The following CNTN1 variants were observed in gnomAD, a reference collection of about 807,000 sequenced individuals.
The protein encoded by CNTN1 is contactin-1.
In CNTN1, 38 loss-of-function variants were observed where a neutral mutation model predicts 126.4. The ratio of observed to expected loss-of-function variants is 0.30; its 90% CI spans 0.23 to 0.39. The LOEUF is 0.39. Among genes scored for constraint, CNTN1 ranks in the 10% least tolerant of loss-of-function variants. CNTN1 has a pLI of 1.00. For missense variants in CNTN1, 1,009 were observed against 1,248.4 expected (o/e 0.81, Z 2.89); for synonymous variants, 413 against 422.6 (o/e 0.98, Z 0.28).
chr12:40,867,294 G>A (rs1943329857), intron 1 of CNTN1, among the ~76,000 whole-genome samples: 1 of 152,076 alleles, frequency 6.6e-6, no homozygotes, highest in African/African-American at 2.4e-5. Flanking sequence ...TAACCTAAAT[G>A]GTGGGGCAGG....
chr12:40,850,091 A>T (rs749105391), intron 1 of CNTN1, among the ~76,000 whole-genome samples: 1 of 152,088 alleles, frequency 6.6e-6, no homozygotes, highest in African/African-American at 2.4e-5. Flanking sequence ...TTAGCATTAT[A>T]ATCTATGCTT....
At chr12:40,792,736 G>A (rs577120628) in intron 1 of CNTN1, among the ~76,000 whole-genome samples, 1 of 151,756 alleles carries the variant, frequency 6.6e-6, no homozygotes, top group African/African-American at 2.4e-5. Context: ...AGTTTTAATT[G>A]TTTATTTTTA....
intron 7 of CNTN1, among the ~76,000 whole-genome samples, chr12:40,931,808 C>A (rs1479664289): frequency 6.6e-6 from 1 of 151,930 alleles, no homozygotes; most frequent in Admixed American, 6.6e-5. Flanking sequence ...ACCCAGGAAT[C>A]CACAAGTTGA....
At chr12:40,871,221 A>C (rs368757228) in intron 1 of CNTN1, among the ~76,000 whole-genome samples, 28 of 151,122 alleles carry the variant, frequency 1.9e-4, no homozygotes, top group South Asian at 6.3e-4. Flanking sequence ...AAAACAGAAG[A>C]AGCAGCTAGA....
At chr12:40,977,416 C>T (rs1335996035) in intron 15 of CNTN1, among the ~76,000 whole-genome samples, 1 of 152,046 alleles carries the variant, frequency 6.6e-6, no homozygotes, top group Non-Finnish European at 1.5e-5. Flanking sequence ...TCTGGCTGCC[C>T]CTTCCCATCA....
intron 1 of CNTN1, among the ~76,000 whole-genome samples, chr12:40,832,132 G>A (rs1941864218): frequency 6.6e-6 from 1 of 152,174 alleles, no homozygotes; most frequent in Non-Finnish European, 1.5e-5. Context: ...TTAATAGGCA[G>A]TGAACACCCA....
intron 1 of CNTN1, among the ~76,000 whole-genome samples, chr12:40,700,005 T>A (rs962307560): frequency 6.6e-6 from 1 of 152,176 alleles, no homozygotes; most frequent in Non-Finnish European, 1.5e-5. Flanking sequence ...TATATAGGGT[T>A]TTTACTTAGA....
In CNTN1 at chr12:41,047,966, C is replaced by T. The variant is rs141175494; in HGVS notation, c.2980+18747C>T. 9.2e-5 allele frequency among the ~76,000 whole-genome samples: 14 copies of T among 152,132 alleles called. 1 individual carries two copies. Among genetic ancestry groups the T allele is most frequent in the African/African-American group, 3.4e-4 (14 of 41,528 alleles). On this transcript the variant is annotated intron_variant, in intron 23 of 23. Coordinates refer to ENST00000551295, the MANE Select transcript of CNTN1 (RefSeq NM_001843.4). Reference sequence around the variant, plus strand: ...CATTGATCTGACCACTGTCTGTGTCCCTTACCTTCCTTGTATCCTCACTCT... The same window carrying T: ...CATTGATCTGACCACTGTCTGTGTCTCTTACCTTCCTTGTATCCTCACTCT...
chr12:40,809,401 C>G (rs1386102883), intron 1 of CNTN1, among the ~76,000 whole-genome samples: 3 of 152,030 alleles, frequency 2.0e-5, no homozygotes, highest in African/African-American at 7.3e-5. Flanking sequence ...TAGTTTGGGG[C>G]AGGAAATAAA....
intron 1 of CNTN1, among the ~76,000 whole-genome samples, chr12:40,811,725 T>A (rs544495512): frequency 6.8e-4 from 103 of 152,198 alleles, no homozygotes; most frequent in Non-Finnish European, 1.2e-3. Flanking sequence ...ATCCTTTGTG[T>A]TTTGTAATAT....
In CNTN1 at chr12:41,070,618, T is replaced by C. The variant is rs1275208521; in HGVS notation, c.*583T>C. On this transcript the variant is annotated 3_prime_UTR_variant, in exon 24 of 24. Coordinates refer to ENST00000551295, the MANE Select transcript of CNTN1 (RefSeq NM_001843.4). The stretch of plus-strand genomic sequence containing the variant: ...CATTATCAAATCATGAGTTGAAAGA[T>C]TTTGACTATTGAAAACCAAATTCTA... 2 of 152,502 alleles carry C rather than the reference T, an allele frequency of 1.3e-5. No individual in the cohort carries two copies. Among genetic ancestry groups the C allele is most frequent in the East Asian group, 1.9e-4 (1 of 5,206 alleles). 9.4% of individuals were successfully genotyped at this position (152,502 alleles called of 1,614,324 possible). A position where few individuals can be genotyped will look rare whatever the true frequency, so the allele number is the denominator to read the frequency against.
chr12:40,701,889 G>A (rs907534510), intron 1 of CNTN1, among the ~76,000 whole-genome samples: 2 of 152,026 alleles, frequency 1.3e-5, no homozygotes, highest in African/African-American at 4.8e-5. Context: ...GGCCCAATGA[G>A]CTATAACAAA....
rs776933799 is a variant in CNTN1, at chr12:41,027,868, C to G, written c.2722C>G (p.Pro908Ala). 6 of 1,611,874 alleles carry G rather than the reference C, an allele frequency of 3.7e-6. No homozygotes were observed. In the South Asian group the frequency reaches 4.4e-5, roughly 12 times the overall value. ...ACTACTTTTCACAGCTCCTAGCCAG[C>G]CTCCAAGGATCATCAGTTCAGTAAG... ...AFTKKAPPSQ[P>A]PRIISSVRSG... The change falls in exon 22 of 24, where the codon CCT becomes GCT. Residue 908 changes from proline to alanine, a missense_variant. Transcript: ENST00000551295.
chr12:40,913,676 T>A (rs951605006), intron 3 of CNTN1, among the ~76,000 whole-genome samples: 2 of 152,174 alleles, frequency 1.3e-5, no homozygotes, highest in African/African-American at 4.8e-5. Context: ...TAAAATAGAA[T>A]AGCAATATTA....
In CNTN1 at chr12:40,929,823, A is replaced by G. The variant is rs192664798; in HGVS notation, c.524A>G (p.Asn175Ser). Reference protein sequence around the residue: ...PDDLSYRWLLNEFPVFITMDK... With the variant: ...PDDLSYRWLLSEFPVFITMDK... ...GATCTTAGCTATCGCTGGCTTCTAA[A>G]TGAATTTCCTGTATTTATCACAATG... The change falls in exon 7 of 24, where the codon AAT becomes AGT. Residue 175 changes from asparagine (N) to serine (S), a missense_variant. Asn to Ser is a conservative substitution (Grantham distance 46). Transcript: ENST00000551295. 2 of 1,612,338 alleles carry G rather than the reference A, an allele frequency of 1.2e-6. No homozygotes were observed. The highest frequency in any genetic ancestry group is 1.7e-6 in the Non-Finnish European group (2 of 1,178,850).
chr12:40,850,526 C>T (rs1942678817), intron 1 of CNTN1, among the ~76,000 whole-genome samples: 1 of 151,530 alleles, frequency 6.6e-6, no homozygotes, highest in Non-Finnish European at 1.5e-5. Flanking sequence ...CCATCTGTTC[C>T]TTTATCATTC....
chr12:40,713,065 A>G (rs908182823), intron 1 of CNTN1, among the ~76,000 whole-genome samples: 7 of 152,126 alleles, frequency 4.6e-5, no homozygotes, highest in Non-Finnish European at 8.8e-5. Flanking sequence ...AAAGAGGTTT[A>G]TTTGGCTCAT....
At chr12:41,033,492 A>T (rs2120887386) in intron 23 of CNTN1, among the ~76,000 whole-genome samples, 1 of 152,112 alleles carries the variant, frequency 6.6e-6, no homozygotes, top group South Asian at 2.1e-4. Context: ...TGCATATTTT[A>T]AGTCTTTACT....
At chr12:40,981,199 G>A in intron 16 of CNTN1, 132 bp downstream of exon 16, 5 of 807,810 alleles carry the variant, frequency 6.2e-6, no homozygotes, top group Non-Finnish European at 2.0e-6. Context: ...TTTTTAAAAT[G>A]TATTCTAATA....
Sources: allele counts gnomAD v4.1 joint callset (sites outside exome capture counted in the v4.1 genomes callset), GRCh38; gene constraint gnomAD v4.1.1; transcripts MANE v1.5; gene names NCBI Gene and HGNC (gene_info 2026-07-23, HGNC 2026-07-21).